Variants in PARD3B observed in about 807,000 individuals in gnomAD.
PARD3B encodes par-3 family cell polarity regulator beta.
PARD3B carries 103 observed loss-of-function variants against 130.2 expected under a neutral mutation model. The ratio of observed to expected loss-of-function variants is 0.79; its 90% CI spans 0.67 to 0.93. The LOEUF is 0.93. PARD3B is among the 40% of genes least tolerant of loss of function. The probability of loss-of-function intolerance (pLI) is 0.00; values close to 1 mark genes in which losing one functional copy is unlikely to be tolerated. For synonymous variants in PARD3B, 583 were observed against 553.2 expected, an observed-to-expected ratio of 1.05 and a Z score of -0.76; for missense variants, 1,609 against 1,499.2, an observed-to-expected ratio of 1.07 and a Z score of -1.21.
chr2:204,556,876 C>A (rs2030958206), intron 1 of PARD3B, among the ~76,000 whole-genome samples: 1 of 152,086 alleles, frequency 6.6e-6, no homozygotes, highest in African/African-American at 2.4e-5. Context: ...CTGGTTTTCA[C>A]ACATTCCCCT....
At chr2:205,016,330 CT>C in intron 3 of PARD3B, among the ~76,000 whole-genome samples, 1 of 152,256 alleles carries the variant, frequency 6.6e-6, no homozygotes, top group South Asian at 2.1e-4. Flanking sequence ...CCTCTGTTGG[CT>C]CATTTTGTGC....
At chr2:205,107,670 A>C (rs1207115357) in intron 5 of PARD3B, among the ~76,000 whole-genome samples, 2 of 152,356 alleles carry the variant, frequency 1.3e-5, no homozygotes, top group Non-Finnish European at 2.9e-5. Flanking sequence ...TGAATGGATA[A>C]AACACATTGC....
At chr2:205,022,303 G>A (rs576551808) in intron 3 of PARD3B, among the ~76,000 whole-genome samples, 1 of 152,174 alleles carries the variant, frequency 6.6e-6, no homozygotes, top group South Asian at 2.1e-4. Flanking sequence ...ACAGAAATTG[G>A]AATTTGCCGG....
Position 205,300,388 on chromosome 2 carries a change from G to T in PARD3B, c.2186-142G>T. On this transcript the variant is annotated intron_variant, in intron 16 of 22. Coordinates refer to ENST00000406610, the MANE Select transcript of PARD3B (RefSeq NM_001302769.2). This position sits in a 1 kb window ranked among gnomAD's most constrained non-coding sequence, Gnocchi z 4.1. ...CACTTGTTCAAGGTTACAAAAGGTG[G>T]CAAAGCTGGAGTATAACCCCAACTC... 1.4e-6 allele frequency: 1 copy of T among 708,474 alleles called. No individual in the cohort carries two copies. The highest frequency in any genetic ancestry group is 2.4e-6 in the Non-Finnish European group (1 of 412,934). 43.9% of individuals were successfully genotyped at this position (708,474 alleles called of 1,614,324 possible). A position where few individuals can be genotyped will look rare whatever the true frequency, so the allele number is the denominator to read the frequency against.
intron 1 of PARD3B, among the ~76,000 whole-genome samples, chr2:204,666,740 A>C (rs2036042513): frequency 6.6e-6 from 1 of 152,182 alleles, no homozygotes; most frequent in African/African-American, 2.4e-5. Flanking sequence ...CCTAAGGTGT[A>C]GAATGCCATG....
At chr2:205,018,306 G>A (rs1043506349) in intron 3 of PARD3B, among the ~76,000 whole-genome samples, 2 of 152,050 alleles carry the variant, frequency 1.3e-5, no homozygotes, top group African/African-American at 2.4e-5. Context: ...TAATTTTATT[G>A]TATCTACTTA....
intron 16 of PARD3B, among the ~76,000 whole-genome samples, chr2:205,264,159 G>C (rs1395543651): frequency 1.3e-5 from 2 of 150,932 alleles, no homozygotes; most frequent in Non-Finnish European, 3.0e-5. Context: ...ATGAAAGTAT[G>C]AGTCTGGAGC....
At chr2:205,049,784 G>C (rs150249013) in intron 4 of PARD3B, among the ~76,000 whole-genome samples, 1 of 152,156 alleles carries the variant, frequency 6.6e-6, no homozygotes, top group Non-Finnish European at 1.5e-5. Context: ...CAAAATCCTT[G>C]TGCCTTACTT....
intron 18 of PARD3B, among the ~76,000 whole-genome samples, chr2:205,308,682 A>T (rs1159488407): frequency 6.6e-6 from 1 of 152,062 alleles, no homozygotes; most frequent in African/African-American, 2.4e-5. Context: ...AACTATTTGT[A>T]ACAGTGGATT....
At chr2:205,182,787 A>G (rs1001907076) in intron 13 of PARD3B, among the ~76,000 whole-genome samples, 1 of 152,172 alleles carries the variant, frequency 6.6e-6, no homozygotes, top group Non-Finnish European at 1.5e-5. Context: ...CCATGCAGTG[A>G]TTACAGGACC....
intron 10 of PARD3B, among the ~76,000 whole-genome samples, chr2:205,131,494 T>C (rs1254836157): frequency 1.3e-5 from 2 of 152,142 alleles, no homozygotes; most frequent in African/African-American, 4.8e-5. Flanking sequence ...CTTCCAGAGA[T>C]GAAGCTAGAA....
chr2:205,264,029 A>G (rs1338485412), intron 16 of PARD3B, among the ~76,000 whole-genome samples: 2 of 151,034 alleles, frequency 1.3e-5, no homozygotes, highest in African/African-American at 4.9e-5. Flanking sequence ...ACACTTTTTT[A>G]TATTTGTAAA....
At chr2:204,579,258 C>T (rs2032424002) in intron 1 of PARD3B, among the ~76,000 whole-genome samples, 1 of 152,040 alleles carries the variant, frequency 6.6e-6, no homozygotes. Flanking sequence ...GCAGCAATCT[C>T]ATGGGGTTGG....
chr2:205,055,192 A>G (rs1043297274), intron 4 of PARD3B, among the ~76,000 whole-genome samples: 3 of 152,156 alleles, frequency 2.0e-5, no homozygotes, highest in African/African-American at 7.2e-5. Context: ...ATAACTTTGT[A>G]ATTTTCTAAT....
At chr2:205,363,154 A>G (rs1037436688) in intron 18 of PARD3B, among the ~76,000 whole-genome samples, 3 of 152,196 alleles carry the variant, frequency 2.0e-5, no homozygotes, top group Non-Finnish European at 2.9e-5. Context: ...CATCAGCAAC[A>G]GCTAAAACAT....
intron 2 of PARD3B, among the ~76,000 whole-genome samples, chr2:204,819,261 A>G (rs777854996): frequency 3.9e-5 from 6 of 152,208 alleles, no homozygotes; most frequent in Non-Finnish European, 7.3e-5. Flanking sequence ...CTTGCTTCAC[A>G]TGTCACTCTG....
At position 205,176,496 on chromosome 2, in the gene PARD3B, AAT is replaced by A. The variant is rs1559511720; in HGVS notation, c.1844_1845del (p.Asn615SerfsTer6). The A allele has an allele frequency of 6.2e-7, 1 of 1,613,016 alleles. No individual in the cohort carries two copies. The highest frequency in any genetic ancestry group is 8.5e-7 in the Non-Finnish European group (1 of 1,179,228). ...CAAGCCATGCTTTGAGAACTGTCAA[AAT>A]GCTGTAACCACCTCTAGGCGAAATG... ...FSKPCFENCQ[N>X]AVTTSRRNDN... On this transcript the variant is annotated frameshift_variant, in exon 13 of 23. Coordinates refer to ENST00000406610, the MANE Select transcript of PARD3B (RefSeq NM_001302769.2). LOFTEE classifies it high-confidence loss of function. The surrounding 1 kb of genome is among the most constrained non-coding windows in gnomAD (Gnocchi z 5.3).
intron 4 of PARD3B, among the ~76,000 whole-genome samples, chr2:205,070,171 A>G (rs965219796): frequency 1.3e-5 from 2 of 152,140 alleles, no homozygotes; most frequent in Admixed American, 1.3e-4. Context: ...TGGTCTGCAA[A>G]AGGACCCTAC....
At chr2:204,843,525 G>A (rs867550164) in intron 2 of PARD3B, among the ~76,000 whole-genome samples, 1 of 151,990 alleles carries the variant, frequency 6.6e-6, no homozygotes, top group Non-Finnish European at 1.5e-5. Flanking sequence ...GAGTAGCTGG[G>A]ACTACAGGTT....
Sources: allele counts gnomAD v4.1 joint callset (sites outside exome capture counted in the v4.1 genomes callset), GRCh38; gene constraint gnomAD v4.1.1; non-coding constraint Gnocchi (gnomAD v3.1); transcripts MANE v1.5; gene names NCBI Gene and HGNC (gene_info 2026-07-23, HGNC 2026-07-21).